The following KCNAB2 variants were observed in gnomAD, a reference collection of about 807,000 sequenced individuals.
The protein encoded by KCNAB2 is potassium voltage-gated channel subfamily A regulatory beta subunit 2, also known as voltage-gated potassium channel subunit beta-2.
KCNAB2 carries 29 observed loss-of-function variants against 63.6 expected under a neutral mutation model. That is an observed-to-expected ratio of 0.46 (90% CI 0.34 to 0.62). The LOEUF (loss-of-function observed/expected upper bound fraction) is 0.62. Among genes scored for constraint, KCNAB2 ranks in the 20% least tolerant of loss-of-function variants. The probability of loss-of-function intolerance (pLI) is 0.01; values close to 1 mark genes in which losing one functional copy is unlikely to be tolerated. For synonymous variants in KCNAB2, 222 were observed against 224.2 expected (o/e 0.99, Z 0.09); for missense variants, 359 against 563.9 (o/e 0.64, Z 3.68).
chr1:6,052,986 C>T (rs1414874195), intron 2 of KCNAB2, among the ~76,000 whole-genome samples: 1 of 152,094 alleles, frequency 6.6e-6, no homozygotes, highest in African/African-American at 2.4e-5. Flanking sequence ...GAGTGGAGTG[C>T]AGGCCAGGAC....
rs753249448 is a variant in KCNAB2, at chr1:6,082,263, C to T, written c.369C>T (p.Tyr123=). 2.0e-5 allele frequency: 33 copies of T among 1,612,366 alleles called. No individual in the cohort carries two copies. Among genetic ancestry groups the T allele is most frequent in the Admixed American group, 1.3e-4 (8 of 60,004 alleles). The part of the protein sequence containing the change: ...GINLFDTAEV[Y]AAGKAEVVLG... The stretch of plus-strand genomic sequence containing the variant: ...ACCTCTTCGATACAGCAGAAGTCTA[C>T]GCAGCCGGCAAGTACGTGTCTTTTC... The change falls in exon 5 of 16, where the codon TAC becomes TAT. Residue 123 remains tyrosine, a synonymous_variant. Transcript: ENST00000378083.
At chr1:6,017,436 GTGTA>G (rs1306144457) in intron 1 of KCNAB2, among the ~76,000 whole-genome samples, 65 of 137,458 alleles carry the variant, frequency 4.7e-4, no homozygotes, top group African/African-American at 1.6e-3. Flanking sequence ...GTGTGTGTGT[GTGTA>G]TTTTTAGTAG....
At chr1:6,075,117 T>C (rs1663553799) in intron 4 of KCNAB2, among the ~76,000 whole-genome samples, 1 of 152,166 alleles carries the variant, frequency 6.6e-6, no homozygotes, top group African/African-American at 2.4e-5. Context: ...CTGGGGCCCA[T>C]ATGGTTCAAT....
intron 2 of KCNAB2, among the ~76,000 whole-genome samples, chr1:6,055,566 C>T (rs916345343): frequency 2.0e-5 from 3 of 152,048 alleles, no homozygotes; most frequent in Admixed American, 1.3e-4. Context: ...ATGTTGACCA[C>T]GCTGGTCTCA....
chr1:6,077,365 TA>T (rs1442255921), intron 4 of KCNAB2, among the ~76,000 whole-genome samples: 1 of 151,996 alleles, frequency 6.6e-6, no homozygotes, highest in Non-Finnish European at 1.5e-5. Flanking sequence ...CATAAATAAA[TA>T]AAATAGTGAG....
At chr1:6,097,061 C>T (rs1486385393) in intron 14 of KCNAB2, among the ~76,000 whole-genome samples, 2 of 152,176 alleles carry the variant, frequency 1.3e-5, no homozygotes, top group Non-Finnish European at 2.9e-5. Flanking sequence ...ACTTGGGCCA[C>T]CTCTCCATCA....
chr1:6,007,162 A>T (rs189833086), intron 1 of KCNAB2, among the ~76,000 whole-genome samples: 2 of 151,912 alleles, frequency 1.3e-5, no homozygotes, highest in Admixed American at 1.3e-4. Flanking sequence ...ACCACTCCCC[A>T]GATAGTTACT....
At chr1:6,009,289 C>T (rs1403330603) in intron 1 of KCNAB2, among the ~76,000 whole-genome samples, 1 of 152,242 alleles carries the variant, frequency 6.6e-6, no homozygotes, top group Non-Finnish European at 1.5e-5. Context: ...GGGCATCCAC[C>T]TGTGCAGAGT....
chr1:6,062,568 G>T (rs548485525), intron 2 of KCNAB2, among the ~76,000 whole-genome samples: 6 of 152,338 alleles, frequency 3.9e-5, no homozygotes, highest in Admixed American at 6.5e-5. Flanking sequence ...CATGCAAACT[G>T]CTCCCCACCC....
chr1:6,096,714 A>T lies in KCNAB2; in HGVS notation c.1027A>T (p.Ile343Phe). 1 of 1,597,940 alleles carries T rather than the reference A, an allele frequency of 6.3e-7. No individual in the cohort carries two copies. The highest frequency in any genetic ancestry group is 1.3e-5 in the African/African-American group (1 of 74,928). The change falls in exon 14 of 16, where the codon ATC becomes TTC. Residue 343 changes from isoleucine to phenylalanine, a missense_variant. By Grantham distance (21) the Ile-to-Phe change is conservative (BLOSUM62 0). Coordinates refer to ENST00000378083, the MANE Select transcript of KCNAB2 (RefSeq NM_001199862.2). The surrounding 1 kb of genome is among the most constrained non-coding windows in gnomAD (Gnocchi z 5.9). ...AGCCAAGCTGAAGGAGCTGCAGGCC[A>T]TCGCCGAGCGCCTGGGCTGCACCCT... The part of the protein sequence containing the change: ...QQAKLKELQA[I>F]AERLGCTLPQ...
intron 2 of KCNAB2, among the ~76,000 whole-genome samples, chr1:6,066,817 A>G (rs1051577143): frequency 1.3e-5 from 2 of 152,228 alleles, no homozygotes; most frequent in Non-Finnish European, 2.9e-5. Context: ...TTCCTCTAGC[A>G]GGCGGGACTC....
Position 6,100,070 on chromosome 1 carries a change from G to T in KCNAB2, c.*1496G>T, listed in dbSNP as rs997539141. On this transcript the variant is annotated 3_prime_UTR_variant, in exon 16 of 16. Coordinates refer to ENST00000378083, the MANE Select transcript of KCNAB2 (RefSeq NM_001199862.2). ...CCCCCAGGGCGCACCCTCAGTGCAG[G>T]CACCTCTGTTCCCGCTTTGCCCCTG... 147 of 1,473,622 alleles carry T rather than the reference G, an allele frequency of 1.0e-4. No individual in the cohort carries two copies. The highest frequency in any genetic ancestry group is 2.0e-4 in the Admixed American group (8 of 39,384). The allele number at this position is 1,473,622 out of a possible 1,614,324, so 91.3% of individuals were successfully genotyped here. A position where few individuals can be genotyped will look rare whatever the true frequency, so the allele number is the denominator to read the frequency against.
At chr1:6,033,367 G>A (rs765550466), upstream of KCNAB2, among the ~76,000 whole-genome samples, 2 of 151,500 alleles carry the variant, frequency 1.3e-5, no homozygotes, top group South Asian at 2.1e-4. Context: ...GGGTGTGTGT[G>A]CATATGTGTG....
rs1033450057 is a variant in KCNAB2, at chr1:6,096,042, A to T, written c.948+418A>T. 2.2e-6 allele frequency: 1 copy of T among 457,026 alleles called. No homozygotes were observed. Among genetic ancestry groups the T allele is most frequent in the African/African-American group, 2.0e-5 (1 of 49,874 alleles). 28.3% of individuals were successfully genotyped at this position (457,026 alleles called of 1,614,324 possible). On this transcript the variant is annotated intron_variant, in intron 13 of 15. Transcript: ENST00000378083. The surrounding 1 kb of genome is among the most constrained non-coding windows in gnomAD (Gnocchi z 5.9). ...GAGAGGCGCCCCTCCCCACCACACA[A>T]CCTCTGAGTGGGGACTCAGGAGGGT... is the stretch of plus-strand genomic sequence containing the variant.
At chr1:6,033,344 TGTGTGTGC>T (rs1557429830), upstream of KCNAB2, among the ~76,000 whole-genome samples, 1 of 151,038 alleles carries the variant, frequency 6.6e-6, no homozygotes, top group African/African-American at 2.4e-5. Context: ...TGTGCATGTG[TGTGTGTGC>T]GTGTGGGTGT....
chr1:6,060,038 G>A (rs1292142785), intron 2 of KCNAB2, among the ~76,000 whole-genome samples: 3 of 152,320 alleles, frequency 2.0e-5, no homozygotes, highest in Non-Finnish European at 4.4e-5. Context: ...GCCTCCCACT[G>A]TCCCTCCGTG....
chr1:6,038,041 A>AT (rs1179358801), intron 1 of KCNAB2, among the ~76,000 whole-genome samples: 1 of 150,936 alleles, frequency 6.6e-6, no homozygotes, highest in African/African-American at 2.4e-5. Context: ...CACCCAGCTA[A>AT]TTTTTTTTGT....
In KCNAB2 at chr1:5,999,916, G is replaced by A. The variant is rs761485653; in HGVS notation, c.-53+7128G>A. ...TGTCTGTGTCGTCTGTGCCCTGTCT[G>A]TGCCCCGTCCGCATCCCGCCTGCGC... On this transcript the variant is annotated intron_variant, in intron 1 of 16. Coordinates refer to the KCNAB2 transcript ENST00000341524. Among the ~76,000 whole-genome samples the A allele has an allele frequency of 3.1e-4, 44 of 143,482 alleles. 1 individual carries two copies. The highest frequency in any genetic ancestry group is 1.7e-3 in the Admixed American group (25 of 14,350). 94.1% of individuals were successfully genotyped at this position (143,482 alleles called of 152,430 possible).
In KCNAB2 at chr1:6,077,638, C is replaced by G. The variant is rs144315463; in HGVS notation, c.300+3868C>G. 3.8e-4 allele frequency among the ~76,000 whole-genome samples: 58 copies of G among 152,280 alleles called. No homozygotes were observed. In the East Asian group the frequency reaches 8.9e-3, roughly 23 times the overall value. On this transcript the variant is annotated intron_variant, in intron 4 of 15. Transcript: ENST00000378083. ...AGGAGGGAGCCAGGTGTGTTCAGGG[C>G]CACCGTGCTCCGGAGCGGAGAGCGC...
Sources: gnomAD v4.1 joint callset for allele counts (sites outside exome capture counted in the v4.1 genomes callset) on GRCh38, gnomAD v4.1.1 for gene constraint, Gnocchi (gnomAD v3.1) non-coding constraint, MANE v1.5 for transcripts, NCBI Gene and HGNC (gene_info 2026-07-23, HGNC 2026-07-21) for gene names.